KCNC2: variants seen among roughly 807,000 people sequenced by gnomAD.
KCNC2 encodes the protein voltage-gated potassium channel KCNC2.
Under a neutral mutation model 44.5 loss-of-function variants are expected in KCNC2, and 21 were observed. The observed-to-expected ratio is 0.47, with a 90% CI of 0.33 to 0.68. The LOEUF is 0.68. Ranked by LOEUF, KCNC2 falls within the 30% of genes least tolerant of loss-of-function variation. KCNC2 has a pLI of 0.01. For missense variants in KCNC2, 589 were observed against 826.2 expected (o/e 0.71, Z 3.52); for synonymous variants, 391 against 339.1 (o/e 1.15, Z -1.68).
rs1256930169 is a variant in KCNC2, at chr12:75,209,531, C to G, written c.-344G>C. On this transcript the variant is annotated 5_prime_UTR_variant, in exon 1 of 5. Coordinates refer to ENST00000549446, the MANE Select transcript of KCNC2 (RefSeq NM_139137.4). ...CGGGGCGGGTCCAGCCGGCACTGCC[C>G]GACCCCTCCGGGAGCGGGCAGATCG... is the stretch of plus-strand genomic sequence containing the variant. 6.6e-6 allele frequency: 1 copy of G among 152,254 alleles called. No homozygotes were observed. The highest frequency in any genetic ancestry group is 1.5e-5 in the Non-Finnish European group (1 of 68,116). The allele number at this position is 152,254 out of a possible 1,614,324, so 9.4% of individuals were successfully genotyped here. A position where few individuals can be genotyped will look rare whatever the true frequency, so the allele number is the denominator to read the frequency against.
chr12:75,072,796 T>C (rs1883549090), intron 2 of KCNC2, among the ~76,000 whole-genome samples: 1 of 152,144 alleles, frequency 6.6e-6, no homozygotes, highest in African/African-American at 2.4e-5. Flanking sequence ...TCAGTAAAGG[T>C]TCTTGAACTA....
chr12:75,192,841 G>T (rs144978247), intron 2 of KCNC2, among the ~76,000 whole-genome samples: 1 of 151,992 alleles, frequency 6.6e-6, no homozygotes, highest in Non-Finnish European at 1.5e-5. Context: ...GTAATCTATC[G>T]CACAAAATGG....
intron 2 of KCNC2, among the ~76,000 whole-genome samples, chr12:75,060,822 C>T (rs1393390058): frequency 1.3e-5 from 2 of 152,036 alleles, no homozygotes; most frequent in African/African-American, 4.8e-5. Flanking sequence ...TGGTCCTTAC[C>T]TACCTTTTCT....
At chr12:75,084,507 G>T (rs1884829233) in intron 2 of KCNC2, among the ~76,000 whole-genome samples, 1 of 151,910 alleles carries the variant, frequency 6.6e-6, no homozygotes, top group Non-Finnish European at 1.5e-5. Flanking sequence ...CATGAGATCT[G>T]ATGAGTTTAT....
chr12:75,093,128 A>T (rs1450776653), intron 2 of KCNC2, among the ~76,000 whole-genome samples: 1 of 151,408 alleles, frequency 6.6e-6, no homozygotes. Flanking sequence ...GAAATTTTTT[A>T]ATCAATTCAT....
intron 2 of KCNC2, among the ~76,000 whole-genome samples, chr12:75,106,391 G>T (rs1486588093): frequency 6.6e-6 from 1 of 152,116 alleles, no homozygotes; most frequent in Non-Finnish European, 1.5e-5. Context: ...ACCACCATAT[G>T]ATTCTATGCT....
chr12:75,086,699 T>TAC (rs1555208223), intron 2 of KCNC2, among the ~76,000 whole-genome samples: 69 of 138,832 alleles, frequency 5.0e-4, no homozygotes, highest in African/African-American at 1.4e-3. Context: ...TATATATATA[T>TAC]ACACACACAT....
intron 4 of KCNC2, among the ~76,000 whole-genome samples, chr12:75,044,043 G>T (rs780448558): frequency 1.3e-5 from 2 of 151,834 alleles, no homozygotes; most frequent in African/African-American, 2.4e-5. Context: ...CAAAATAAAA[G>T]ATGCTCTCAT....
intron 2 of KCNC2, among the ~76,000 whole-genome samples, chr12:75,108,720 A>G (rs1592889283): frequency 1.3e-5 from 2 of 152,296 alleles, no homozygotes; most frequent in East Asian, 3.9e-4. Flanking sequence ...TCTAAACCAA[A>G]TAGGAAAATA....
intron 4 of KCNC2, among the ~76,000 whole-genome samples, chr12:75,045,091 TATAACCTAAAAACGTA>T (rs1223336488): frequency 1.3e-5 from 2 of 151,992 alleles, no homozygotes; most frequent in Non-Finnish European, 1.5e-5. Context: ...AAGTTGACTG[TATAACCTAAAAACGTA>T]AACTAGACGA....
intron 2 of KCNC2, among the ~76,000 whole-genome samples, chr12:75,179,945 C>T (rs1178845082): frequency 6.6e-6 from 1 of 151,594 alleles, no homozygotes; most frequent in East Asian, 1.9e-4. Flanking sequence ...TCTAAAAAAG[C>T]ATTTACTGAA....
At chr12:75,191,341 A>G (rs933441744) in intron 2 of KCNC2, among the ~76,000 whole-genome samples, 1 of 151,554 alleles carries the variant, frequency 6.6e-6, no homozygotes, top group Non-Finnish European at 1.5e-5. Flanking sequence ...GGAAAAAAAG[A>G]CCATTTTCTT....
At chr12:75,061,053 T>C (rs980098587) in intron 2 of KCNC2, among the ~76,000 whole-genome samples, 6 of 152,136 alleles carry the variant, frequency 3.9e-5, no homozygotes, top group African/African-American at 1.4e-4. Context: ...ACTTACCTCA[T>C]TTCTGTAATA....
chr12:75,066,057 C>A (rs980119584), intron 2 of KCNC2, among the ~76,000 whole-genome samples: 1 of 152,072 alleles, frequency 6.6e-6, no homozygotes. Flanking sequence ...TTTAGACATT[C>A]TTCTTCTTTT....
intron 2 of KCNC2, among the ~76,000 whole-genome samples, chr12:75,053,296 C>T (rs1881387770): frequency 1.3e-5 from 2 of 151,992 alleles, no homozygotes; most frequent in African/African-American, 4.8e-5. Context: ...ACCATCCCTA[C>T]TTTAGACTGA....
At chr12:75,130,508 T>C (rs1367536067) in intron 2 of KCNC2, among the ~76,000 whole-genome samples, 1 of 152,130 alleles carries the variant, frequency 6.6e-6, no homozygotes, top group Non-Finnish European at 1.5e-5. Flanking sequence ...CTAGCACCAG[T>C]AATAGGAAAT....
At chr12:75,053,974 G>A (rs1881465195) in intron 2 of KCNC2, among the ~76,000 whole-genome samples, 1 of 151,746 alleles carries the variant, frequency 6.6e-6, no homozygotes, top group African/African-American at 2.4e-5. Flanking sequence ...TGTAATCCCA[G>A]CACTTTGGGA....
chr12:75,158,901 A>G (rs531444187), intron 2 of KCNC2, among the ~76,000 whole-genome samples: 1 of 151,894 alleles, frequency 6.6e-6, no homozygotes, highest in South Asian at 2.1e-4. Flanking sequence ...AATCAGGCTC[A>G]AGTTATGCAA....
Position 75,051,335 on chromosome 12 carries a change from A to G in KCNC2, c.688-18T>C. 1 of 1,406,068 alleles carries G rather than the reference A, an allele frequency of 7.1e-7. No individual in the cohort carries two copies. Among genetic ancestry groups the G allele is most frequent in the South Asian group, 1.3e-5 (1 of 75,994 alleles). 87.1% of individuals were successfully genotyped at this position (1,406,068 alleles called of 1,614,324 possible). A position where few individuals can be genotyped will look rare whatever the true frequency, so the allele number is the denominator to read the frequency against. Reference sequence around the variant, plus strand: ...GCAATAAACTGTAGAGGAAAAAGAAATAAAAAAACCCATAGTGATCTGAAT... The same window carrying G: ...GCAATAAACTGTAGAGGAAAAAGAAGTAAAAAAACCCATAGTGATCTGAAT... On this transcript the variant is annotated intron_variant, in intron 2 of 4. Coordinates refer to ENST00000549446, the MANE Select transcript of KCNC2 (RefSeq NM_139137.4).
Sources: gnomAD v4.1 joint callset for allele counts (sites outside exome capture counted in the v4.1 genomes callset) on GRCh38, gnomAD v4.1.1 for gene constraint, MANE v1.5 for transcripts, NCBI Gene and HGNC (gene_info 2026-07-23, HGNC 2026-07-21) for gene names.